DDX60: variants seen among roughly 807,000 people sequenced by gnomAD.
The protein encoded by DDX60 is probable ATP-dependent RNA helicase DDX60.
A neutral mutation model predicts 212.8 loss-of-function variants in DDX60; 165 were observed. The observed-to-expected ratio is 0.78, with a 90% CI of 0.68 to 0.88. The LOEUF is 0.88. Among genes scored for constraint, DDX60 ranks in the 40% least tolerant of loss-of-function variants. The pLI, the probability that DDX60 is intolerant of heterozygous loss-of-function variation, is 0.00. For synonymous variants in DDX60, 703 were observed against 685.3 expected (o/e 1.03, Z -0.40); for missense variants, 1,905 against 2,003.9 (o/e 0.95, Z 0.94).
At chr4:168,270,951 C>A (rs1159476716) in intron 19 of DDX60, among the ~76,000 whole-genome samples, 1 of 139,438 alleles carries the variant, frequency 7.2e-6, no homozygotes, top group Non-Finnish European at 1.5e-5. Flanking sequence ...GATCTTGGCT[C>A]ACTGCAACCT....
chr4:168,243,373 A>G (rs535466236), intron 30 of DDX60, among the ~76,000 whole-genome samples: 2 of 152,220 alleles, frequency 1.3e-5, no homozygotes, highest in Non-Finnish European at 2.9e-5. Context: ...ACAAATGTCT[A>G]ATATCCAGAG....
chr4:168,225,764 CAA>C, intron 33 of DDX60, 88 bp from the exon 34 acceptor site: 1 of 1,194,918 alleles, frequency 8.4e-7, no homozygotes, highest in Non-Finnish European at 1.2e-6. Context: ...AAGAACATTG[CAA>C]TATAATTCTA....
chr4:168,221,607 T>G, intron 36 of DDX60, 123 bp downstream of exon 36: 2 of 1,017,148 alleles, frequency 2.0e-6, no homozygotes, highest in Non-Finnish European at 2.8e-6. Context: ...ATCTAGTATG[T>G]TTAGTATGAT....
chr4:168,237,407 A>G lies in DDX60; in HGVS notation c.4290T>C (p.Gly1430=), dbSNP rs765245036. ...CAAGTCCAGCAAACCCCATAGGATT[A>G]CCTTCTTGATCTAAATAGCCCTAAA... is the stretch of plus-strand genomic sequence containing the variant. The part of the protein sequence containing the change: ...LVKEGYLDQE[G]NPMGFAGLVS... Residue 1430 remains glycine (G), a synonymous_variant, in exon 32 of 38, where the codon GGT becomes GGC. Coordinates refer to ENST00000393743, the MANE Select transcript of DDX60 (RefSeq NM_017631.6). 1 of 1,582,138 alleles carries G rather than the reference A, an allele frequency of 6.3e-7. No homozygotes were observed. The highest frequency in any genetic ancestry group is 1.4e-5 in the African/African-American group (1 of 73,960).
At chr4:168,308,888 T>C (rs983747929) in intron 3 of DDX60, among the ~76,000 whole-genome samples, 4 of 151,994 alleles carry the variant, frequency 2.6e-5, no homozygotes, top group African/African-American at 9.7e-5. Context: ...GTTACCTATG[T>C]CACGAATGCA....
chr4:168,231,637 G>A (rs1243242371), intron 33 of DDX60, among the ~76,000 whole-genome samples: 1 of 151,968 alleles, frequency 6.6e-6, no homozygotes, highest in Non-Finnish European at 1.5e-5. Flanking sequence ...AATAGATGCA[G>A]AAAAAGCATT....
chr4:168,315,123 A>G (rs2684370), intron 1 of DDX60, among the ~76,000 whole-genome samples: 53,362 of 152,036 alleles, frequency 0.35, 10,874 homozygotes, highest in African/African-American at 0.57. Flanking sequence ...CTGAGTTTCA[A>G]TTTACTTATC....
chr4:168,219,057 G>T lies in DDX60; in HGVS notation c.5039+1598C>A, dbSNP rs185138913. On this transcript the variant is annotated intron_variant, in intron 37 of 37. Coordinates refer to ENST00000393743, the MANE Select transcript of DDX60 (RefSeq NM_017631.6). ...GCACTTTGGGAGGCCAAGGCGGGTG[G>T]ATTGCCTGAGCTCAGGAATTTTGAG... Among the ~76,000 whole-genome samples the T allele has an allele frequency of 6.1e-3, 930 of 151,810 alleles. 9 individuals are homozygous for T. The highest frequency in any genetic ancestry group is 0.021 in the African/African-American group (874 of 41,356).
At chr4:168,296,536 C>A (rs959773635) in intron 6 of DDX60, among the ~76,000 whole-genome samples, 7 of 151,952 alleles carry the variant, frequency 4.6e-5, no homozygotes, top group Non-Finnish European at 7.4e-5. Flanking sequence ...AATAAATAAA[C>A]AAACTAACAA....
At chr4:168,297,542 A>G (rs1736458058) in intron 6 of DDX60, among the ~76,000 whole-genome samples, 2 of 152,320 alleles carry the variant, frequency 1.3e-5, no homozygotes, top group South Asian at 4.1e-4. Flanking sequence ...CAACCAAATG[A>G]CATAAAATAA....
In DDX60 at chr4:168,228,897, C is replaced by T. The variant is rs139331928; in HGVS notation, c.4534-3221G>A. Among the ~76,000 whole-genome samples, 264 of 152,102 alleles carry T rather than the reference C, an allele frequency of 1.7e-3. 1 individual carries two copies. Among genetic ancestry groups the T allele is most frequent in the African/African-American group, 6.0e-3 (249 of 41,502 alleles). ...CATCTTAATTTTATCTTTATTTTGA[C>T]GAATATTTCCTACAAGTGTAGAATT... is the stretch of plus-strand genomic sequence containing the variant. On this transcript the variant is annotated intron_variant, in intron 33 of 37. Coordinates refer to ENST00000393743, the MANE Select transcript of DDX60 (RefSeq NM_017631.6).
At chr4:168,293,765 A>C (rs1432461679) in intron 7 of DDX60, 22 bp downstream of exon 7, 3 of 1,568,988 alleles carry the variant, frequency 1.9e-6, no homozygotes, top group Non-Finnish European at 1.7e-6. Flanking sequence ...AGTATTTCTC[A>C]GTAAAGTTAT....
At chr4:168,322,954 C>G (rs985079767), upstream of DDX60, among the ~76,000 whole-genome samples, 1 of 152,170 alleles carries the variant, frequency 6.6e-6, no homozygotes, top group Non-Finnish European at 1.5e-5. Context: ...GCTGACTAGA[C>G]AGTGAAATCC....
chr4:168,273,878 T>C, intron 17 of DDX60, 56 bp downstream of exon 17: 1 of 1,552,292 alleles, frequency 6.4e-7, no homozygotes, highest in Non-Finnish European at 8.7e-7. Context: ...ATGTTCATTA[T>C]TTTTAAATAG....
intron 25 of DDX60, among the ~76,000 whole-genome samples, chr4:168,259,953 G>A (rs946281439): frequency 6.6e-6 from 1 of 151,716 alleles, no homozygotes; most frequent in African/African-American, 2.4e-5. Context: ...GAACCTTTAT[G>A]TATTAAAAAT....
chr4:168,254,167 T>C lies in DDX60; in HGVS notation c.3558-1511A>G, dbSNP rs1560830031. 2.6e-5 allele frequency among the ~76,000 whole-genome samples: 4 copies of C among 152,132 alleles called. No individual in the cohort carries two copies. The South Asian group carries it at 8.3e-4, about 31-fold the overall frequency. On this transcript the variant is annotated intron_variant, in intron 26 of 37. Coordinates refer to ENST00000393743, the MANE Select transcript of DDX60 (RefSeq NM_017631.6). Reference sequence around the variant, plus strand: ...TACCTTGACAAATATAGCTCCATAATAACCTGGAATTCAAGGGTGAGAATG... The same window carrying C: ...TACCTTGACAAATATAGCTCCATAACAACCTGGAATTCAAGGGTGAGAATG...
chr4:168,287,788 A>G (rs999150562), intron 9 of DDX60, among the ~76,000 whole-genome samples: 2 of 152,162 alleles, frequency 1.3e-5, no homozygotes, highest in Non-Finnish European at 2.9e-5. Flanking sequence ...ATAAAAATAT[A>G]TAAATTAGCC....
chr4:168,292,518 G>T (rs1200134451), intron 7 of DDX60, among the ~76,000 whole-genome samples: 1 of 152,160 alleles, frequency 6.6e-6, no homozygotes, highest in Non-Finnish European at 1.5e-5. Context: ...TACATGAGCT[G>T]ATCGAGCAAC....
chr4:168,293,971 G>A (rs753642823), intron 6 of DDX60, 26 bp from the exon 7 acceptor site: 3 of 1,591,382 alleles, frequency 1.9e-6, no homozygotes, highest in Non-Finnish European at 1.7e-6. Flanking sequence ...ATTGTAATGT[G>A]TCATGCTATT....
Sources: allele counts gnomAD v4.1 joint callset (sites outside exome capture counted in the v4.1 genomes callset), GRCh38; gene constraint gnomAD v4.1.1; transcripts MANE v1.5; gene names NCBI Gene and HGNC (gene_info 2026-07-23, HGNC 2026-07-21).